ZDHHC14: variants seen among roughly 807,000 people sequenced by gnomAD.
ZDHHC14 encodes the protein palmitoyltransferase ZDHHC14.
Under a neutral mutation model 47.7 loss-of-function variants are expected in ZDHHC14, and 16 were observed. The observed-to-expected ratio is 0.34, with a 90% CI of 0.23 to 0.51. The LOEUF is 0.51. Ranked by LOEUF, ZDHHC14 falls within the 20% of genes least tolerant of loss-of-function variation. The pLI, the probability that ZDHHC14 is intolerant of heterozygous loss-of-function variation, is 0.97. For missense variants in ZDHHC14, 515 were observed against 662.5 expected, an observed-to-expected ratio of 0.78 and a Z score of 2.44; for synonymous variants, 293 against 278.9, an observed-to-expected ratio of 1.05 and a Z score of -0.50.
Position 157,672,817 on chromosome 6 carries a change from G to C in ZDHHC14, c.1162G>C (p.Glu388Gln), listed in dbSNP as rs778417524. The C allele has an allele frequency of 6.2e-7, 1 of 1,612,368 alleles. No homozygotes were observed. The highest frequency in any genetic ancestry group is 1.3e-5 in the African/African-American group (1 of 74,986). The change falls in exon 9 of 9, where the codon GAG becomes CAG. Residue 388 changes from glutamate to glutamine, a missense_variant. By Grantham distance (29) the Glu-to-Gln change is conservative. This residue lies in a region of ZDHHC14 where 221 missense variants were observed against 233.6 expected (regional missense o/e 0.95). Transcript: ENST00000359775. ...GAGCGAGCCCAGCCTCACCAGCGACGAGCTGCACCTGCCCGGGAAGCCTGG... is the reference window on the plus strand; with the variant it reads ...GAGCGAGCCCAGCCTCACCAGCGACCAGCTGCACCTGCCCGGGAAGCCTGG... Reference protein sequence around the residue: ...LQSEPSLTSDELHLPGKPGLG... With the variant: ...LQSEPSLTSDQLHLPGKPGLG...
intron 1 of ZDHHC14, among the ~76,000 whole-genome samples, chr6:157,420,116 C>A (rs1778065561): frequency 1.3e-5 from 2 of 152,202 alleles, no homozygotes; most frequent in Non-Finnish European, 2.9e-5. Context: ...GGAATGAAAA[C>A]CCTCACAGTG....
intron 1 of ZDHHC14, among the ~76,000 whole-genome samples, chr6:157,457,740 C>G (rs1027013217): frequency 6.6e-6 from 1 of 152,172 alleles, no homozygotes; most frequent in Non-Finnish European, 1.5e-5. Context: ...TGTATAGATT[C>G]TGTGTTCCTG....
At chr6:157,583,142 C>T (rs146043791) in intron 2 of ZDHHC14, among the ~76,000 whole-genome samples, 41 of 152,012 alleles carry the variant, frequency 2.7e-4, no homozygotes, top group Admixed American at 8.5e-4. Flanking sequence ...ATTCTTAGAT[C>T]CCTTGGATTG....
chr6:157,420,889 C>T lies in ZDHHC14; in HGVS notation c.245+38623C>T, dbSNP rs982397486. ...TCTTCCTTGGCAACAGAGCCCTGTG[C>T]GGTAGGCCTCAGGAGCAGCCGTCCT... is the stretch of plus-strand genomic sequence containing the variant. On this transcript the variant is annotated intron_variant, in intron 1 of 8. Transcript: ENST00000359775. Among the ~76,000 whole-genome samples the T allele has an allele frequency of 7.2e-5, 11 of 152,244 alleles. 1 individual carries two copies. In the East Asian group the frequency reaches 1.7e-3, roughly 24 times the overall value.
At chr6:157,433,592 A>T (rs1554257391) in intron 1 of ZDHHC14, among the ~76,000 whole-genome samples, 1 of 152,094 alleles carries the variant, frequency 6.6e-6, no homozygotes, top group Non-Finnish European at 1.5e-5. Context: ...CAACGGGAGG[A>T]GTTGACTGGG....
intron 1 of ZDHHC14, among the ~76,000 whole-genome samples, chr6:157,415,131 C>T (rs1777948252): frequency 6.6e-6 from 1 of 152,172 alleles, no homozygotes; most frequent in African/African-American, 2.4e-5. Flanking sequence ...ATTTTTGACT[C>T]GTCCAGCTTT....
Position 157,540,013 on chromosome 6 carries a change from G to A in ZDHHC14, c.246-2572G>A, listed in dbSNP as rs139789577. Among the ~76,000 whole-genome samples, 63 of 152,292 alleles carry A rather than the reference G, an allele frequency of 4.1e-4. 1 individual carries two copies. In the East Asian group the frequency reaches 8.1e-3, roughly 20 times the overall value. Reference sequence around the variant, plus strand: ...AGGTTCCCAGGGAAACACAGACAGAGGCATTTCGGATCCATACCCTGATTT... The same window carrying A: ...AGGTTCCCAGGGAAACACAGACAGAAGCATTTCGGATCCATACCCTGATTT... On this transcript the variant is annotated intron_variant, in intron 1 of 8. Coordinates refer to ENST00000359775, the MANE Select transcript of ZDHHC14 (RefSeq NM_024630.3).
chr6:157,588,404 A>G (rs1032262964), intron 2 of ZDHHC14, among the ~76,000 whole-genome samples: 3 of 152,214 alleles, frequency 2.0e-5, no homozygotes, highest in African/African-American at 4.8e-5. Context: ...GGCTACAGTG[A>G]GCTATGATAG....
At chr6:157,499,059 A>G (rs1439636987) in intron 1 of ZDHHC14, among the ~76,000 whole-genome samples, 1 of 152,134 alleles carries the variant, frequency 6.6e-6, no homozygotes, top group Non-Finnish European at 1.5e-5. Context: ...AAGAGAAAAA[A>G]AAAAAGAAAA....
chr6:157,655,554 C>T (rs1778047203), intron 8 of ZDHHC14, among the ~76,000 whole-genome samples: 1 of 152,240 alleles, frequency 6.6e-6, no homozygotes, highest in African/African-American at 2.4e-5. Flanking sequence ...CTGGCCGCAG[C>T]ATACGTTGAT....
At chr6:157,578,317 A>T (rs1379067389) in intron 2 of ZDHHC14, among the ~76,000 whole-genome samples, 1 of 152,096 alleles carries the variant, frequency 6.6e-6, no homozygotes, top group African/African-American at 2.4e-5. Context: ...GAGTTTTTAT[A>T]GTTTTAGGTT....
chr6:157,418,370 AT>A (rs1778027538), intron 1 of ZDHHC14, among the ~76,000 whole-genome samples: 1 of 152,182 alleles, frequency 6.6e-6, no homozygotes, highest in African/African-American at 2.4e-5. Flanking sequence ...TATGGAACCA[AT>A]TTATACTCCT....
chr6:157,651,157 A>G (rs1777816289), intron 7 of ZDHHC14, among the ~76,000 whole-genome samples: 1 of 152,176 alleles, frequency 6.6e-6, no homozygotes, highest in Non-Finnish European at 1.5e-5. Context: ...AACAACAGAA[A>G]GTTGTTCTGT....
chr6:157,647,590 A>C (rs1020972570), intron 7 of ZDHHC14, among the ~76,000 whole-genome samples: 5 of 152,164 alleles, frequency 3.3e-5, no homozygotes, highest in African/African-American at 1.2e-4. Context: ...ATTGGGGGGA[A>C]ATTTCCTAAA....
chr6:157,661,101 A>G (rs1234452678), intron 8 of ZDHHC14, among the ~76,000 whole-genome samples: 2 of 151,500 alleles, frequency 1.3e-5, no homozygotes, highest in African/African-American at 2.4e-5. Context: ...TGTGGGGCGA[A>G]ACGTCCTGGT....
Position 157,593,193 on chromosome 6 carries a change from G to A in ZDHHC14, c.565+47G>A, listed in dbSNP as rs1321228645. The A allele has an allele frequency of 3.8e-6, 6 of 1,574,756 alleles. No individual in the cohort carries two copies. The African/African-American group carries it at 5.4e-5, about 14-fold the overall frequency. On this transcript the variant is annotated intron_variant, in intron 3 of 8. Transcript: ENST00000359775. ...CCTGGCGGGAGCCCGGGTCCTCCGGGTGGGTTTGCGCCTCTCCAACCCTGC... is the reference window on the plus strand; with the variant it reads ...CCTGGCGGGAGCCCGGGTCCTCCGGATGGGTTTGCGCCTCTCCAACCCTGC...
intron 1 of ZDHHC14, among the ~76,000 whole-genome samples, chr6:157,451,070 A>G (rs1463372472): frequency 6.6e-6 from 1 of 151,118 alleles, no homozygotes; most frequent in Non-Finnish European, 1.5e-5. Flanking sequence ...ATGAGATCTG[A>G]CCGCTTGTCA....
At chr6:157,479,240 A>G (rs1248605412) in intron 1 of ZDHHC14, among the ~76,000 whole-genome samples, 1 of 152,222 alleles carries the variant, frequency 6.6e-6, no homozygotes, top group Non-Finnish European at 1.5e-5. Context: ...CTTACCTCAT[A>G]GGAGTGTTTT....
intron 3 of ZDHHC14, among the ~76,000 whole-genome samples, chr6:157,604,286 TAAA>T (rs201921035): frequency 0.25 from 34,582 of 140,234 alleles, 4,401 homozygotes; most frequent in East Asian, 0.51. Context: ...AAGCCTGTCT[TAAA>T]AAAAAAAAAA....
Sources: gnomAD v4.1 joint callset for allele counts (sites outside exome capture counted in the v4.1 genomes callset) on GRCh38, gnomAD v4.1.1 for gene constraint, gnomAD v4.1.1 regional missense constraint, MANE v1.5 for transcripts, NCBI Gene and HGNC (gene_info 2026-07-23, HGNC 2026-07-21) for gene names.